The following SEZ6 variants were observed in gnomAD, a reference collection of about 807,000 sequenced individuals.
The protein encoded by SEZ6 is seizure protein 6 homolog.
SEZ6 carries 53 observed loss-of-function variants against 101.0 expected under a neutral mutation model. That is an observed-to-expected ratio of 0.52 (90% CI 0.42 to 0.66). The LOEUF is 0.66. Among genes scored for constraint, SEZ6 ranks in the 30% least tolerant of loss-of-function variants. SEZ6 has a pLI of 0.00. For missense variants in SEZ6, 1,102 were observed against 1,289.4 expected, an observed-to-expected ratio of 0.85 and a Z score of 2.23; for synonymous variants, 488 against 512.2, an observed-to-expected ratio of 0.95 and a Z score of 0.64.
In SEZ6 at chr17:29,005,690, A is replaced by C; in HGVS notation, c.55+125T>G. On this transcript the variant is annotated intron_variant, in intron 1 of 16. Coordinates refer to ENST00000317338, the MANE Select transcript of SEZ6 (RefSeq NM_178860.5). This position sits in a 1 kb window ranked among gnomAD's most constrained non-coding sequence, Gnocchi z 4.8. ...GCTTGGCCGGCGCCGGGGGCAGCGC[A>C]GCCGGCGGGGCGCGGTGCTTGGACT... The C allele has an allele frequency of 1.1e-6, 1 of 945,748 alleles. No individual in the cohort carries two copies. The highest frequency in any genetic ancestry group is 1.4e-6 in the Non-Finnish European group (1 of 722,850). 58.6% of individuals were successfully genotyped at this position (945,748 alleles called of 1,614,324 possible). A position where few individuals can be genotyped will look rare whatever the true frequency, so the allele number is the denominator to read the frequency against.
chr17:28,984,996 C>T (rs187253282), intron 1 of SEZ6, among the ~76,000 whole-genome samples: 165 of 152,236 alleles, frequency 1.1e-3, no homozygotes, highest in East Asian at 1.5e-3. Flanking sequence ...ATGGATGCTG[C>T]GCCTCTGGGA....
chr17:28,977,355 C>A (rs1365346938), intron 3 of SEZ6, among the ~76,000 whole-genome samples: 2 of 152,254 alleles, frequency 1.3e-5, no homozygotes, highest in Admixed American at 1.3e-4. Context: ...CCCTCCATGA[C>A]TTCAGACTAT....
Position 28,955,790 on chromosome 17 carries a change from G to T in SEZ6, c.*172C>A. The T allele has an allele frequency of 1.3e-6, 1 of 785,122 alleles. No individual in the cohort carries two copies. The highest frequency in any genetic ancestry group is 2.2e-6 in the Non-Finnish European group (1 of 455,082). The allele number at this position is 785,122 out of a possible 1,614,324, so 48.6% of individuals were successfully genotyped here. On this transcript the variant is annotated 3_prime_UTR_variant, in exon 17 of 17. Coordinates refer to ENST00000317338, the MANE Select transcript of SEZ6 (RefSeq NM_178860.5). ...CAATGACACCAAGAAAATAGGCCATGGTGGGCATCGCAGGCGGGGAAGGGC... is the reference window on the plus strand; with the variant it reads ...CAATGACACCAAGAAAATAGGCCATTGTGGGCATCGCAGGCGGGGAAGGGC...
intron 11 of SEZ6, 48 bp downstream of exon 11, chr17:28,957,899 T>C: frequency 6.3e-7 from 1 of 1,578,312 alleles, no homozygotes; most frequent in Non-Finnish European, 8.7e-7. Context: ...AGGAGAGAGG[T>C]TTGGAGTTTG....
At chr17:28,993,242 G>C (rs559744480) in intron 1 of SEZ6, among the ~76,000 whole-genome samples, 1 of 152,124 alleles carries the variant, frequency 6.6e-6, no homozygotes, top group African/African-American at 2.4e-5. Context: ...ACTGGGCTTC[G>C]TTCTCTCCCT....
In SEZ6 at chr17:28,964,051, G is replaced by A; in HGVS notation, c.1151C>T (p.Ala384Val). Reference protein sequence around the residue: ...HPGGSARFHCATGYQLKGARH... With the variant: ...HPGGSARFHCVTGYQLKGARH... ...GGCGCCCTTCAGCTGGTAGCCAGTG[G>A]CACAATGGAAGCGGGCACTACCCCC... Residue 384 changes from alanine to valine, a missense_variant, in exon 5 of 17, where the codon GCC becomes GTC. Around this residue, in one of 3 missense-constraint regions of SEZ6, gnomAD observed 556 missense variants for 735.1 expected, o/e 0.76. Transcript: ENST00000317338. The A allele has an allele frequency of 1.9e-6, 3 of 1,610,624 alleles. No individual in the cohort carries two copies. Among genetic ancestry groups the A allele is most frequent in the South Asian group, 1.1e-5 (1 of 90,130 alleles).
intron 4 of SEZ6, 103 bp downstream of exon 4, chr17:28,969,654 C>T (rs1486243383): frequency 8.8e-7 from 1 of 1,134,988 alleles, no homozygotes; most frequent in African/African-American, 1.7e-5. Context: ...ACTAGCCCCT[C>T]TCTGCTCCTT....
rs2041127779 is a variant in SEZ6 at position 28,969,945 on chromosome 17, T to C, written c.866A>G (p.Asn289Ser). ...TGTCTCCCCTTCCCGGAGGCTGATA[T>C]TCTGGACCTGTCAGTAGAGTAGAGA... ...PGYGVEIKVQ[N>S]ISLREGETVT... The change falls in exon 4 of 17, where the codon AAT (asparagine) becomes AGT (serine). Residue 289 changes from asparagine to serine, a missense_variant. Asn to Ser is a conservative substitution (Grantham distance 46, BLOSUM62 1). Coordinates refer to ENST00000317338, the MANE Select transcript of SEZ6 (RefSeq NM_178860.5). The C allele has an allele frequency of 1.3e-6, 2 of 1,536,754 alleles. No individual in the cohort carries two copies. The highest frequency in any genetic ancestry group is 2.6e-5 in the East Asian group (1 of 38,580).
Position 29,005,960 on chromosome 17 carries a change from G to T in SEZ6, c.-91C>A. The T allele has an allele frequency of 8.5e-7, 1 of 1,180,236 alleles. No homozygotes were observed. The highest frequency in any genetic ancestry group is 1.1e-6 in the Non-Finnish European group (1 of 925,064). The allele number at this position is 1,180,236 out of a possible 1,614,324, so 73.1% of individuals were successfully genotyped here. On this transcript the variant is annotated 5_prime_UTR_variant, in exon 1 of 17. Transcript: ENST00000317338. This position sits in a 1 kb window ranked among gnomAD's most constrained non-coding sequence, Gnocchi z 4.8. Reference sequence around the variant, plus strand: ...TGGGCGCGGGGGCAGAGCCGGGTCCGGCCGGGTAGAGGGAGCGGGGCCGCA... The same window carrying T: ...TGGGCGCGGGGGCAGAGCCGGGTCCTGCCGGGTAGAGGGAGCGGGGCCGCA...
At chr17:28,995,190 T>C (rs1372132894) in intron 1 of SEZ6, among the ~76,000 whole-genome samples, 2 of 152,200 alleles carry the variant, frequency 1.3e-5, no homozygotes, top group Non-Finnish European at 2.9e-5. Flanking sequence ...CACTTTTCTT[T>C]TGAGTGTGCT....
At chr17:28,974,581 A>T (rs1300014919) in intron 3 of SEZ6, among the ~76,000 whole-genome samples, 1 of 152,198 alleles carries the variant, frequency 6.6e-6, no homozygotes, top group Non-Finnish European at 1.5e-5. Flanking sequence ...CTTTATAGAT[A>T]AGGGAACCTT....
intron 2 of SEZ6, among the ~76,000 whole-genome samples, 159 bp from the exon 3 acceptor site, chr17:28,979,972 G>A (rs1349780691): frequency 6.6e-6 from 1 of 151,192 alleles, no homozygotes; most frequent in Non-Finnish European, 1.5e-5. Context: ...GAAGGAAGGG[G>A]ACCACCTTTT....
At chr17:28,963,759 T>C (rs2152684810) in intron 5 of SEZ6, among the ~76,000 whole-genome samples, 1 of 152,368 alleles carries the variant, frequency 6.6e-6, no homozygotes, top group South Asian at 2.1e-4. Flanking sequence ...AGTCCCTGTT[T>C]AATTCAGCTG....
At chr17:28,986,070 C>T (rs533427168) in intron 1 of SEZ6, among the ~76,000 whole-genome samples, 1 of 152,390 alleles carries the variant, frequency 6.6e-6, no homozygotes, top group South Asian at 2.1e-4. Context: ...CCGCCCCCAG[C>T]CCTGGCATGG....
intron 1 of SEZ6, among the ~76,000 whole-genome samples, chr17:28,985,956 G>C (rs1051159010): frequency 1.3e-5 from 2 of 152,140 alleles, no homozygotes; most frequent in African/African-American, 4.8e-5. Context: ...CCCTCCCGCA[G>C]GGCCGGGGGC....
At chr17:28,964,408 G>A (rs1353715640) in intron 4 of SEZ6, among the ~76,000 whole-genome samples, 1 of 152,146 alleles carries the variant, frequency 6.6e-6, no homozygotes, top group African/African-American at 2.4e-5. Flanking sequence ...GACACTTTAG[G>A]CAGGTTATTT....
chr17:28,961,553 C>G (rs2040978673), intron 5 of SEZ6, among the ~76,000 whole-genome samples: 1 of 152,202 alleles, frequency 6.6e-6, no homozygotes, highest in African/African-American at 2.4e-5. Flanking sequence ...CGGCAAACAC[C>G]TGATGTGCAT....
At chr17:28,981,171 C>T (rs1427937698) in intron 2 of SEZ6, among the ~76,000 whole-genome samples, 200 bp downstream of exon 2, 2 of 152,382 alleles carry the variant, frequency 1.3e-5, no homozygotes, top group African/African-American at 2.4e-5. Context: ...GCTGGGATTA[C>T]AGGCATGAGC....
chr17:28,959,969 TC>T lies in SEZ6; in HGVS notation c.1577-78del. ...GTGGGCAAGCATCCCCCTACTTCCCTCCCCAGAGCCTTTCTTTTCCTGGGTA... is the reference window on the plus strand; with the variant it reads ...GTGGGCAAGCATCCCCCTACTTCCCTCCCAGAGCCTTTCTTTTCCTGGGTA... On this transcript the variant is annotated intron_variant, in intron 7 of 16. Transcript: ENST00000317338. The surrounding 1 kb of genome is among the most constrained non-coding windows in gnomAD (Gnocchi z 4.4). 1.4e-6 allele frequency: 2 copies of T among 1,448,746 alleles called. No homozygotes were observed. Among genetic ancestry groups the T allele is most frequent in the Non-Finnish European group, 1.9e-6 (2 of 1,068,312 alleles). 89.7% of individuals were successfully genotyped at this position (1,448,746 alleles called of 1,614,324 possible).
Sources: gnomAD v4.1 joint callset for allele counts (sites outside exome capture counted in the v4.1 genomes callset) on GRCh38, gnomAD v4.1.1 for gene constraint, gnomAD v4.1.1 regional missense constraint, Gnocchi (gnomAD v3.1) non-coding constraint, MANE v1.5 for transcripts, NCBI Gene and HGNC (gene_info 2026-07-23, HGNC 2026-07-21) for gene names.